The following NR2C1 variants were observed in gnomAD, a reference collection of about 807,000 sequenced individuals.
The protein encoded by NR2C1 is nuclear receptor subfamily 2 group C member 1, also known as TR2 nuclear hormone receptor.
In NR2C1, 33 loss-of-function variants were observed where a neutral mutation model predicts 74.8. The ratio of observed to expected loss-of-function variants is 0.44; its 90% CI spans 0.33 to 0.59. NR2C1 has a LOEUF of 0.59. Among genes scored for constraint, NR2C1 ranks in the 20% least tolerant of loss-of-function variants. The pLI, the probability that NR2C1 is intolerant of heterozygous loss-of-function variation, is 0.02. For synonymous variants in NR2C1, 225 were observed against 240.6 expected (o/e 0.94, Z 0.60); for missense variants, 568 against 715.6 (o/e 0.79, Z 2.35).
At position 95,067,316 on chromosome 12, in the gene NR2C1, G is replaced by A. The variant is rs547295276; in HGVS notation, c.54+15C>T. 102 of 1,610,730 alleles carry A rather than the reference G, an allele frequency of 6.3e-5. 1 individual carries two copies. Among genetic ancestry groups the A allele is most frequent in the South Asian group, 4.7e-4 (43 of 90,894 alleles). On this transcript the variant is annotated intron_variant, in intron 2 of 13. Coordinates refer to ENST00000333003, the MANE Select transcript of NR2C1 (RefSeq NM_003297.4). ...AGTTTGGTGGGCCAGTGCATCAACC[G>A]TAAACTAGACATACCTCTCCCATCT... is the stretch of plus-strand genomic sequence containing the variant.
At chr12:95,062,436 C>G in intron 3 of NR2C1, 72 bp downstream of exon 3, 1 of 992,644 alleles carries the variant, frequency 1.0e-6, no homozygotes, top group Non-Finnish European at 1.5e-6. Context: ...CTAAAGTCTT[C>G]ATGGCAGGGC....
At chr12:95,072,637 T>TA (rs1876876757) in intron 1 of NR2C1, 1 of 152,182 alleles carries the variant, frequency 6.6e-6, no homozygotes, top group Admixed American at 6.5e-5. Flanking sequence ...CTGACCTACT[T>TA]ACTGAAGATT....
At chr12:95,063,024 T>C in intron 2 of NR2C1, 1 of 443,552 alleles carries the variant, frequency 2.3e-6, no homozygotes, top group East Asian at 4.5e-5. Context: ...TATTAGCTGT[T>C]CTGCATACTG....
chr12:95,055,948 G>A (rs754869251), intron 7 of NR2C1, among the ~76,000 whole-genome samples: 11 of 89,120 alleles, frequency 1.2e-4, no homozygotes, highest in Admixed American at 2.9e-4. Flanking sequence ...GCAAGACTCC[G>A]TCTCAAAAAA....
chr12:95,063,971 G>C (rs1365069756), intron 2 of NR2C1, among the ~76,000 whole-genome samples: 1 of 146,770 alleles, frequency 6.8e-6, no homozygotes, highest in Non-Finnish European at 1.5e-5. Context: ...GGAGGTTGCA[G>C]TGAGCTGGGA....
intron 12 of NR2C1, among the ~76,000 whole-genome samples, chr12:95,027,651 G>A (rs1157477224): frequency 3.3e-5 from 5 of 152,008 alleles, no homozygotes; most frequent in East Asian, 1.9e-4. Context: ...CAGGAGAATC[G>A]TTTGAACACA....
rs1222694130 is a variant in NR2C1 at position 95,025,101 on chromosome 12, C to A, written c.1637+49G>T. 14 of 833,686 alleles carry A rather than the reference C, an allele frequency of 1.7e-5. No individual in the cohort carries two copies. The Middle Eastern group carries it at 2.5e-3, about 150-fold the overall frequency. The allele number at this position is 833,686 out of a possible 1,614,324, so 51.6% of individuals were successfully genotyped here. On this transcript the variant is annotated intron_variant, in intron 13 of 13. Transcript: ENST00000333003. The stretch of plus-strand genomic sequence containing the variant: ...TAGTAATAATGAGATAACAGATCCA[C>A]AAAAGGTTTTTCAATTATTTTAATT...
chr12:95,039,081 ACC>A (rs1329026291), intron 10 of NR2C1, among the ~76,000 whole-genome samples: 3 of 152,062 alleles, frequency 2.0e-5, no homozygotes, highest in Non-Finnish European at 4.4e-5. Flanking sequence ...AACAAAAAAA[ACC>A]CCAGAAAACT....
chr12:95,062,267 G>C (rs932318602), intron 3 of NR2C1, among the ~76,000 whole-genome samples: 1 of 152,048 alleles, frequency 6.6e-6, no homozygotes, highest in African/African-American at 2.4e-5. Flanking sequence ...CTGTTGTCCT[G>C]GCTACAATAG....
intron 4 of NR2C1, among the ~76,000 whole-genome samples, chr12:95,059,044 G>A (rs1356982189): frequency 2.0e-5 from 3 of 152,030 alleles, no homozygotes; most frequent in Non-Finnish European, 4.4e-5. Flanking sequence ...ACTCACGCCT[G>A]TAATCCTAGC....
chr12:95,025,371 G>A, intron 12 of NR2C1, 116 bp from the exon 13 acceptor site: 1 of 588,256 alleles, frequency 1.7e-6, no homozygotes, highest in South Asian at 2.3e-5. Flanking sequence ...TAAAATGTGT[G>A]GCTCAGGCCG....
chr12:95,048,812 C>T (rs1872627602), intron 9 of NR2C1, among the ~76,000 whole-genome samples: 2 of 151,898 alleles, frequency 1.3e-5, no homozygotes, highest in Admixed American at 6.6e-5. Flanking sequence ...TTAGTAGAGA[C>T]AGGGTTTCTC....
Position 95,049,070 on chromosome 12 carries a change from T to G in NR2C1, c.1129A>C (p.Arg377=). 2.5e-6 allele frequency: 4 copies of G among 1,613,128 alleles called. No homozygotes were observed. The highest frequency in any genetic ancestry group is 3.4e-6 in the Non-Finnish European group (4 of 1,179,422). The part of the protein sequence containing the change: ...PLLSDSHVAF[R]LTMPSPMPEY... ...TTAAAAAAAACATATAGAAATACCC[T>G]GAAAGCTACATGTGAATCGCTGAGA... The change falls in exon 9 of 14, where the codon AGG becomes CGG. Residue 377 remains arginine (R), a splice_region_variant and synonymous_variant. Coordinates refer to ENST00000333003, the MANE Select transcript of NR2C1 (RefSeq NM_003297.4).
chr12:95,055,278 G>A (rs1323474230), intron 7 of NR2C1, among the ~76,000 whole-genome samples: 1 of 152,184 alleles, frequency 6.6e-6, no homozygotes, highest in Non-Finnish European at 1.5e-5. Context: ...ACAGTGTCTG[G>A]GCAGAGTAGT....
chr12:95,028,569 G>C (rs1269780854), intron 11 of NR2C1, 45 bp from the exon 12 acceptor site: 1 of 1,276,470 alleles, frequency 7.8e-7, no homozygotes, highest in Non-Finnish European at 1.1e-6. Context: ...TGTCTAAAAT[G>C]AACAACTACT....
Position 95,042,429 on chromosome 12 carries a change from T to C in NR2C1, c.1132-1832A>G, listed in dbSNP as rs751266177. Among the ~76,000 whole-genome samples, 20 of 152,066 alleles carry C rather than the reference T, an allele frequency of 1.3e-4. No individual in the cohort carries two copies. In the South Asian group the frequency reaches 4.2e-3, roughly 32 times the overall value. On this transcript the variant is annotated intron_variant, in intron 9 of 13. Transcript: ENST00000333003. ...GGTTGTACCACGTTGGCCAGGCTCG[T>C]CTCAAACTCCTGACCTCAGGTGATC...
intron 5 of NR2C1, 42 bp from the exon 6 acceptor site, chr12:95,057,920 TACAG>T: frequency 6.5e-7 from 1 of 1,540,612 alleles, no homozygotes. Flanking sequence ...ATATAGGATT[TACAG>T]ACAATTAGAA....
At chr12:95,053,465 T>C (rs1200710327) in intron 7 of NR2C1, among the ~76,000 whole-genome samples, 1 of 152,122 alleles carries the variant, frequency 6.6e-6, no homozygotes, top group Non-Finnish European at 1.5e-5. Context: ...GCTGATATCC[T>C]AGCAATTTCT....
At chr12:95,071,865 C>T (rs568766850) in intron 1 of NR2C1, among the ~76,000 whole-genome samples, 1 of 151,548 alleles carries the variant, frequency 6.6e-6, no homozygotes, top group African/African-American at 2.4e-5. Context: ...TCTCCTGCCT[C>T]GGCCTCCGGA....
Sources: allele counts gnomAD v4.1 joint callset (sites outside exome capture counted in the v4.1 genomes callset), GRCh38; gene constraint gnomAD v4.1.1; transcripts MANE v1.5; gene names NCBI Gene and HGNC (gene_info 2026-07-23, HGNC 2026-07-21).